The following FRMD5 variants were observed in gnomAD, a reference collection of about 807,000 sequenced individuals.
FRMD5 encodes FERM domain containing 5.
Under a neutral mutation model 69.0 loss-of-function variants are expected in FRMD5, and 20 were observed. The observed-to-expected ratio is 0.29, with a 90% CI of 0.20 to 0.42. The LOEUF (loss-of-function observed/expected upper bound fraction) is 0.42. FRMD5 is among the 10% of genes least tolerant of loss of function. The pLI is 1.00. For missense variants in FRMD5, 595 were observed against 708.6 expected, an observed-to-expected ratio of 0.84 and a Z score of 1.82; for synonymous variants, 271 against 260.1, an observed-to-expected ratio of 1.04 and a Z score of -0.40.
intron 1 of FRMD5, among the ~76,000 whole-genome samples, chr15:43,994,115 T>C (rs1277519107): frequency 2.0e-5 from 3 of 152,308 alleles, no homozygotes; most frequent in Non-Finnish European, 4.4e-5. Flanking sequence ...ACTATTGCCA[T>C]TTTGTTAGTT....
At chr15:43,885,062 T>C (rs2088630499) in intron 11 of FRMD5, 1 of 405,994 alleles carries the variant, frequency 2.5e-6, no homozygotes, top group Admixed American at 3.8e-5. Flanking sequence ...TTTTCCAGCA[T>C]GTTCCAATTA....
In FRMD5 at chr15:43,873,332, T is replaced by G. The variant is rs759039470; in HGVS notation, c.*553A>C. 14 of 1,491,206 alleles carry G rather than the reference T, an allele frequency of 9.4e-6. No individual in the cohort carries two copies. The highest frequency in any genetic ancestry group is 1.2e-5 in the Non-Finnish European group (13 of 1,127,540). 92.4% of individuals were successfully genotyped at this position (1,491,206 alleles called of 1,614,324 possible). On this transcript the variant is annotated 3_prime_UTR_variant, in exon 14 of 14. Coordinates refer to ENST00000417257, the MANE Select transcript of FRMD5 (RefSeq NM_032892.5). ...TGGATGTTTACTTTTTTAAAAGTTC[T>G]GGCTGGCAAAAAAAACAAACAAAAA...
At chr15:44,080,271 C>A (rs1275383634) in intron 1 of FRMD5, among the ~76,000 whole-genome samples, 1 of 152,038 alleles carries the variant, frequency 6.6e-6, no homozygotes, top group Non-Finnish European at 1.5e-5. Context: ...TTTGACAGTA[C>A]TGTGTTTTAC....
At chr15:44,085,341 G>T (rs1384797145) in intron 1 of FRMD5, among the ~76,000 whole-genome samples, 2 of 152,046 alleles carry the variant, frequency 1.3e-5, no homozygotes, top group African/African-American at 4.8e-5. Context: ...TGTCAATAGG[G>T]TAGACCAGAT....
chr15:44,172,272 C>CT (rs769999651), intron 1 of FRMD5, among the ~76,000 whole-genome samples: 2,413 of 137,446 alleles, frequency 0.018, 36 homozygotes, highest in African/African-American at 0.037. Context: ...TTCTCTTTTT[C>CT]TTTTTTTTTT....
At chr15:43,979,429 T>G (rs1174591236) in intron 1 of FRMD5, among the ~76,000 whole-genome samples, 1 of 152,118 alleles carries the variant, frequency 6.6e-6, no homozygotes, top group Non-Finnish European at 1.5e-5. Context: ...TGATCCATGG[T>G]TATTCAGATG....
intron 4 of FRMD5, among the ~76,000 whole-genome samples, chr15:43,913,111 C>T (rs1397093008): frequency 6.6e-6 from 1 of 151,784 alleles, no homozygotes; most frequent in African/African-American, 2.4e-5. Flanking sequence ...CCCAAGGGAA[C>T]ATGATCCTGC....
chr15:44,008,509 G>A (rs1032934511), intron 1 of FRMD5, among the ~76,000 whole-genome samples: 3 of 150,960 alleles, frequency 2.0e-5, no homozygotes, highest in Admixed American at 1.3e-4. Flanking sequence ...CAAGTGATCT[G>A]CCTGCCTCAG....
At chr15:44,065,217 C>A (rs1308234999) in intron 1 of FRMD5, among the ~76,000 whole-genome samples, 1 of 152,138 alleles carries the variant, frequency 6.6e-6, no homozygotes, top group Admixed American at 6.5e-5. Context: ...CCTTAGTAAG[C>A]ACTCAATAAA....
intron 4 of FRMD5, chr15:43,917,723 A>C (rs574403962): frequency 6.6e-6 from 1 of 152,268 alleles, no homozygotes; most frequent in Admixed American, 6.5e-5. Flanking sequence ...TTACTCACCT[A>C]CCTAAAGCCT....
At chr15:44,149,568 G>A (rs1595524286) in intron 1 of FRMD5, among the ~76,000 whole-genome samples, 1 of 152,028 alleles carries the variant, frequency 6.6e-6, no homozygotes, top group Non-Finnish European at 1.5e-5. Context: ...AAAGCGAAAG[G>A]ATGTAAAAAT....
intron 1 of FRMD5, among the ~76,000 whole-genome samples, chr15:44,038,520 CTT>C (rs71111834): frequency 9.5e-5 from 6 of 63,198 alleles, no homozygotes; most frequent in Non-Finnish European, 1.1e-4. Flanking sequence ...CTAGCCAGAG[CTT>C]TTTTTTTTTT....
At chr15:44,098,421 A>C (rs1302793377) in intron 1 of FRMD5, among the ~76,000 whole-genome samples, 1 of 151,512 alleles carries the variant, frequency 6.6e-6, no homozygotes, top group Non-Finnish European at 1.5e-5. Context: ...GCTACTTGGG[A>C]GGCTGAGGCA....
intron 1 of FRMD5, among the ~76,000 whole-genome samples, chr15:44,176,929 T>C (rs2077906655): frequency 7.8e-6 from 1 of 128,736 alleles, no homozygotes; most frequent in Non-Finnish European, 1.6e-5. Context: ...AAACTTAAAG[T>C]ATAATAATAA....
At chr15:44,049,015 T>C (rs372463976) in intron 1 of FRMD5, among the ~76,000 whole-genome samples, 6 of 152,290 alleles carry the variant, frequency 3.9e-5, no homozygotes, top group African/African-American at 1.2e-4. Flanking sequence ...GTTGGGTCAA[T>C]TTAAAAACAA....
At chr15:43,982,520 C>T (rs2090564162) in intron 1 of FRMD5, among the ~76,000 whole-genome samples, 1 of 152,164 alleles carries the variant, frequency 6.6e-6, no homozygotes, top group African/African-American at 2.4e-5. Flanking sequence ...TTGTACAAAA[C>T]AGTAGAGTTA....
chr15:44,026,516 G>T (rs1891435973), intron 1 of FRMD5, among the ~76,000 whole-genome samples: 1 of 151,986 alleles, frequency 6.6e-6, no homozygotes, highest in Non-Finnish European at 1.5e-5. Flanking sequence ...CTACATTGTT[G>T]CTTTTCTTCA....
At chr15:43,990,135 C>T in intron 1 of FRMD5, 1 of 621,440 alleles carries the variant, frequency 1.6e-6, no homozygotes, top group South Asian at 1.5e-5. Context: ...GCTGGCCTTG[C>T]ACATGCCAGA....
intron 1 of FRMD5, among the ~76,000 whole-genome samples, chr15:44,033,931 G>T (rs936315166): frequency 6.6e-6 from 1 of 152,176 alleles, no homozygotes; most frequent in Non-Finnish European, 1.5e-5. Flanking sequence ...AATAAAAGGT[G>T]ATTAGGATTC....
Sources: gnomAD v4.1 joint callset for allele counts (sites outside exome capture counted in the v4.1 genomes callset) on GRCh38, gnomAD v4.1.1 for gene constraint, MANE v1.5 for transcripts, NCBI Gene and HGNC (gene_info 2026-07-23, HGNC 2026-07-21) for gene names.